CCDC102B: variants seen among roughly 807,000 people sequenced by gnomAD.
The protein encoded by CCDC102B is coiled-coil domain-containing protein 102B.
CCDC102B carries 75 observed loss-of-function variants against 57.4 expected under a neutral mutation model. The ratio of observed to expected loss-of-function variants is 1.31; its 90% confidence interval spans 1.08 to 1.58. CCDC102B has a LOEUF of 1.58. CCDC102B is among the 40% of genes most tolerant of loss of function. CCDC102B has a pLI of 0.00. For missense variants in CCDC102B, 636 were observed against 582.6 expected (o/e 1.09, Z -0.94); for synonymous variants, 206 against 201.9 (o/e 1.02, Z -0.17).
intron 2 of CCDC102B, among the ~76,000 whole-genome samples, chr18:68,772,479 G>A (rs879797563): frequency 2.0e-5 from 3 of 152,104 alleles, no homozygotes; most frequent in Non-Finnish European, 4.4e-5. Flanking sequence ...AAACTGTCGA[G>A]CTTGGCTCTC....
Position 68,837,286 on chromosome 18 carries a change from C to T in CCDC102B, c.523C>T (p.Gln175Ter). 1 of 1,613,950 alleles carries T rather than the reference C, an allele frequency of 6.2e-7. No homozygotes were observed. Among genetic ancestry groups the T allele is most frequent in the Non-Finnish European group, 8.5e-7 (1 of 1,179,946 alleles). The change falls in exon 2 of 8, where the codon CAA becomes TAA. Residue 175 changes from glutamine (Q) to a stop codon, truncating the protein, a stop_gained. Coordinates refer to ENST00000360242, the MANE Select transcript of CCDC102B (RefSeq NM_024781.3). LOFTEE classifies it high-confidence loss of function. The part of the protein sequence containing the change: ...EESCEHTDQF[Q>*]LSSQMHESIR... The stretch of plus-strand genomic sequence containing the variant: ...ATCCTGTGAACATACAGACCAATTT[C>T]AATTGAGTTCACAAATGCATGAGTC...
chr18:68,797,090 A>AACG (rs1568255271), upstream of CCDC102B, among the ~76,000 whole-genome samples: 3 of 152,148 alleles, frequency 2.0e-5, no homozygotes, highest in Non-Finnish European at 2.9e-5. Context: ...ACGTTCAAAG[A>AACG]TAGAGGAGAG....
rs528864963 is a variant in CCDC102B, at chr18:68,915,499, C to T, written c.1263+18071C>T. ...ATTAATGAGCATTTCATAATGAATA[C>T]TTTGTCCTTTGGCTGTATATACAAT... On this transcript the variant is annotated intron_variant, in intron 6 of 7. Transcript: ENST00000360242. 2.0e-5 allele frequency among the ~76,000 whole-genome samples: 3 copies of T among 152,150 alleles called. No homozygotes were observed. The East Asian group carries it at 5.8e-4, about 29-fold the overall frequency.
chr18:68,893,843 A>G (rs1408766543), intron 5 of CCDC102B, among the ~76,000 whole-genome samples: 7 of 152,020 alleles, frequency 4.6e-5, no homozygotes, highest in African/African-American at 2.4e-5. Context: ...ATTCATACTT[A>G]TTTTTCAGAA....
chr18:68,869,080 A>G (rs944206750), intron 4 of CCDC102B, among the ~76,000 whole-genome samples: 2 of 152,164 alleles, frequency 1.3e-5, no homozygotes, highest in African/African-American at 2.4e-5. Context: ...CCAAGAGAAC[A>G]CAGAAACGAG....
At position 68,874,675 on chromosome 18, in the gene CCDC102B, ATTCTTCTTGGTC is replaced by A; in HGVS notation, c.944_955del (p.Ile315_Gln319delinsLys). The A allele has an allele frequency of 6.2e-7, 1 of 1,603,806 alleles. No individual in the cohort carries two copies. Among genetic ancestry groups the A allele is most frequent in the Non-Finnish European group, 8.5e-7 (1 of 1,171,466 alleles). ...TTTCAACTTTCTTTTTCAGTTTGAC[ATTCTTCTTGGTC>A]AACATAATGATGAAATGCAAGAACT... On this transcript the variant is annotated inframe_deletion, in exon 5 of 8. Transcript: ENST00000360242.
intron 7 of CCDC102B, among the ~76,000 whole-genome samples, chr18:69,045,895 A>G (rs2052552561): frequency 6.6e-6 from 1 of 152,132 alleles, no homozygotes; most frequent in African/African-American, 2.4e-5. Flanking sequence ...GCTTAGAATA[A>G]TGACCTCTAG....
intron 2 of CCDC102B, among the ~76,000 whole-genome samples, chr18:68,719,844 T>A (rs2032230398): frequency 1.3e-5 from 2 of 152,182 alleles, no homozygotes; most frequent in African/African-American, 4.8e-5. Context: ...ATAAACTTGG[T>A]ACCCAAACCA....
intron 2 of CCDC102B, among the ~76,000 whole-genome samples, chr18:68,782,871 GC>G (rs764486059): frequency 6.8e-4 from 104 of 152,234 alleles, no homozygotes; most frequent in Middle Eastern, 3.4e-3. Flanking sequence ...TGATTAATCA[GC>G]ACCAAACAAA....
intron 5 of CCDC102B, among the ~76,000 whole-genome samples, chr18:68,883,261 A>C (rs562010410): frequency 4.6e-4 from 70 of 152,090 alleles, no homozygotes; most frequent in African/African-American, 1.4e-3. Flanking sequence ...AATACAAAAA[A>C]ATTGCCAGGC....
intron 7 of CCDC102B, among the ~76,000 whole-genome samples, chr18:69,040,433 T>TGA (rs1555676440): frequency 1.5e-4 from 21 of 140,208 alleles, no homozygotes; most frequent in African/African-American, 4.9e-4. Flanking sequence ...TGTGTGTGTG[T>TGA]GAGATGGCTT....
rs2034682665 is a variant in CCDC102B at position 68,772,744 on chromosome 18, TAGC to T, written c.-66-50619_-66-50617del. On this transcript the variant is annotated intron_variant, in intron 2 of 3. Coordinates refer to the CCDC102B transcript ENST00000578970. ...TCTAGCCCAAGGAAAGAAGGAATGT[TAGC>T]AGAGTATAGCCAGACTTTTCTCCAT... is the stretch of plus-strand genomic sequence containing the variant. Among the ~76,000 whole-genome samples the T allele has an allele frequency of 2.6e-5, 4 of 152,278 alleles. No homozygotes were observed. In the South Asian group the frequency reaches 8.3e-4, roughly 32 times the overall value.
intron 6 of CCDC102B, among the ~76,000 whole-genome samples, chr18:69,003,222 A>G (rs1463694907): frequency 1.3e-5 from 2 of 152,224 alleles, no homozygotes; most frequent in Non-Finnish European, 1.5e-5. Flanking sequence ...TTAAGAGAAT[A>G]AATTAGGATT....
chr18:69,055,316 G>C (rs763026142), downstream of CCDC102B: 1 of 208,906 alleles, frequency 4.8e-6, no homozygotes, highest in Non-Finnish European at 8.3e-6. Flanking sequence ...ATCTTCAAGT[G>C]CGCACTGGTG....
intron 6 of CCDC102B, among the ~76,000 whole-genome samples, chr18:68,947,981 A>T (rs2098248645): frequency 6.6e-6 from 1 of 152,120 alleles, no homozygotes. Flanking sequence ...TAATTGTCCT[A>T]GCTGGATCAA....
intron 5 of CCDC102B, among the ~76,000 whole-genome samples, chr18:68,896,830 G>A (rs996945569): frequency 2.6e-5 from 4 of 151,946 alleles, no homozygotes; most frequent in Admixed American, 6.6e-5. Flanking sequence ...ATAATTGAGT[G>A]AATGAATAAA....
At chr18:69,021,461 T>G (rs1276079823) in intron 7 of CCDC102B, among the ~76,000 whole-genome samples, 1 of 152,218 alleles carries the variant, frequency 6.6e-6, no homozygotes, top group Non-Finnish European at 1.5e-5. Flanking sequence ...CGAATTGATT[T>G]GTAAAAACCA....
At chr18:68,952,544 T>A (rs535393490) in intron 6 of CCDC102B, among the ~76,000 whole-genome samples, 225 of 152,234 alleles carry the variant, frequency 1.5e-3, no homozygotes, top group Middle Eastern at 3.4e-3. Context: ...GTGAAGATGA[T>A]CTGCCCTCAC....
intron 2 of CCDC102B, among the ~76,000 whole-genome samples, chr18:68,728,897 C>G (rs1287405457): frequency 6.6e-6 from 1 of 151,296 alleles, no homozygotes; most frequent in East Asian, 1.9e-4. Flanking sequence ...GAAAGGAAAG[C>G]AAAATTGTTA....
Sources: allele counts gnomAD v4.1 joint callset (sites outside exome capture counted in the v4.1 genomes callset), GRCh38; gene constraint gnomAD v4.1.1; transcripts MANE v1.5; gene names NCBI Gene and HGNC (gene_info 2026-07-23, HGNC 2026-07-21).